Variants in TRAPPC14 observed in about 807,000 individuals in gnomAD.
The protein encoded by TRAPPC14 is trafficking protein particle complex subunit 14.
In TRAPPC14, 24 loss-of-function variants were observed where a neutral mutation model predicts 56.6. The ratio of observed to expected loss-of-function variants is 0.42; its 90% CI spans 0.31 to 0.60. The LOEUF is 0.60. Among genes scored for constraint, TRAPPC14 ranks in the 20% least tolerant of loss-of-function variants. TRAPPC14 has a pLI of 0.14. For synonymous variants in TRAPPC14, 377 were observed against 347.0 expected (o/e 1.09, Z -0.96); for missense variants, 615 against 790.3 (o/e 0.78, Z 2.66).
chr7:100,158,188 G>A lies in TRAPPC14; in HGVS notation c.312C>T (p.Pro104=), dbSNP rs1292782153. Residue 104 remains proline, a synonymous_variant, in exon 1 of 11, where the codon CCC becomes CCT. Transcript: ENST00000316937. ...GGGAGDQDSE[P]PGGGDPGGGG... The stretch of plus-strand genomic sequence containing the variant: ...CACCCCCAGGATCCCCTCCCCCTGG[G>A]GGCTCCGAATCCTGGTCGCCGGCGC... The A allele has an allele frequency of 1.4e-6, 2 of 1,456,126 alleles. No homozygotes were observed. Among genetic ancestry groups the A allele is most frequent in the African/African-American group, 2.9e-5 (2 of 67,994 alleles). 90.2% of individuals were successfully genotyped at this position (1,456,126 alleles called of 1,614,324 possible).
chr7:100,156,037 A>G (rs1295963196), intron 8 of TRAPPC14: 3 of 735,614 alleles, frequency 4.1e-6, no homozygotes, highest in Non-Finnish European at 2.4e-6. Flanking sequence ...TGACAGCCCC[A>G]TCAGATATGA....
chr7:100,156,154 G>A (rs758622596), intron 8 of TRAPPC14: 18 of 613,314 alleles, frequency 2.9e-5, no homozygotes, highest in Non-Finnish European at 4.7e-5. Flanking sequence ...ACCAGCGAGT[G>A]CAGCTCCAGT....
chr7:100,156,760 C>T (rs750079376), intron 6 of TRAPPC14, 44 bp from the exon 7 acceptor site: 7 of 1,599,994 alleles, frequency 4.4e-6, no homozygotes, highest in Non-Finnish European at 6.0e-6. Context: ...TTAAGAGTGC[C>T]CCTCCCATCT....
intron 5 of TRAPPC14, 38 bp downstream of exon 5, chr7:100,157,056 C>G: frequency 6.2e-7 from 1 of 1,613,952 alleles, no homozygotes; most frequent in Non-Finnish European, 8.5e-7. Flanking sequence ...TGAAGCCATC[C>G]CCACCACTTC....
Position 100,156,468 on chromosome 7 carries a change from G to A in TRAPPC14, c.1158C>T (p.Phe386=), listed in dbSNP as rs769439506. The change falls in exon 8 of 11, where the codon TTC becomes TTT. Residue 386 remains phenylalanine, a synonymous_variant. Transcript: ENST00000316937. ...CKSPVRTYER[F]TVTYTLLNNL... is the part of the protein sequence containing the mutation. The stretch of plus-strand genomic sequence containing the variant: ...TGTTAAGCAGCGTGTAGGTGACAGT[G>A]AAACGCTCGTAGGTCCGAACAGGGG... 2 of 1,614,194 alleles carry A rather than the reference G, an allele frequency of 1.2e-6. No homozygotes were observed. The highest frequency in any genetic ancestry group is 1.7e-6 in the Non-Finnish European group (2 of 1,180,030).
At position 100,158,667 on chromosome 7, in the gene TRAPPC14, A is replaced by G. The variant is rs1798939348; in HGVS notation, c.-168T>C. 5 of 572,004 alleles carry G rather than the reference A, an allele frequency of 8.7e-6. No homozygotes were observed. Among genetic ancestry groups the G allele is most frequent in the African/African-American group, 7.8e-5 (4 of 51,436 alleles). The allele number at this position is 572,004 out of a possible 1,614,324, so 35.4% of individuals were successfully genotyped here. A position where few individuals can be genotyped will look rare whatever the true frequency, so the allele number is the denominator to read the frequency against. On this transcript the variant is annotated 5_prime_UTR_variant, in exon 1 of 11. Coordinates refer to ENST00000316937, the MANE Select transcript of TRAPPC14 (RefSeq NM_018275.5). ...ACCGGGGCAACGAACCCGAACCGAG[A>G]CCCGGCAGCGCCGGAACCGGGGTAC...
At chr7:100,157,276 G>A in intron 4 of TRAPPC14, 62 bp from the exon 5 acceptor site, 1 of 1,613,240 alleles carries the variant, frequency 6.2e-7, no homozygotes, top group Non-Finnish European at 8.5e-7. Flanking sequence ...CCTTTACCCA[G>A]AAAAAACCGG....
At position 100,155,026 on chromosome 7, in the gene TRAPPC14, C is replaced by T; in HGVS notation, c.1728G>A (p.Val576=). The T allele has an allele frequency of 6.2e-7, 1 of 1,614,148 alleles. No individual in the cohort carries two copies. The highest frequency in any genetic ancestry group is 8.5e-7 in the Non-Finnish European group (1 of 1,180,000). ...TGGCACGGTGCTACTTGACGGGTTC[C>T]ACCACCAGGACCTTGCACTCGCGCT... ...IAKRECKVLV[V]EPVK is the part of the protein sequence containing the mutation. The change falls in exon 11 of 11, where the codon GTG becomes GTA. Residue 576 remains valine (V), a synonymous_variant. Coordinates refer to ENST00000316937, the MANE Select transcript of TRAPPC14 (RefSeq NM_018275.5).
At chr7:100,156,045 T>C in intron 8 of TRAPPC14, 11 of 719,946 alleles carry the variant, frequency 1.5e-5, no homozygotes, top group Non-Finnish European at 2.3e-5. Context: ...CCATCAGATA[T>C]GAGTTGCTCT....
chr7:100,155,747 T>C lies in TRAPPC14; in HGVS notation c.1319A>G (p.Asn440Ser), dbSNP rs1319674836. 6.2e-7 allele frequency: 1 copy of C among 1,613,986 alleles called. No individual in the cohort carries two copies. Among genetic ancestry groups the C allele is most frequent in the Admixed American group, 1.7e-5 (1 of 60,000 alleles). The change falls in exon 9 of 11, where the codon AAC (asparagine) becomes AGC (serine). Residue 440 changes from asparagine to serine, a missense_variant. By Grantham distance (46) the Asn-to-Ser change is conservative. Coordinates refer to ENST00000316937, the MANE Select transcript of TRAPPC14 (RefSeq NM_018275.5). The part of the protein sequence containing the change: ...DSVVCHTPLN[N>S]LGFSRKGSAL... ...GCTGCCCTTCCGGGAAAAGCCAAGG[T>C]TGTTGAGGGGCGTGTGGCAGACGAC...
Position 100,155,347 on chromosome 7 carries a change from G to T in TRAPPC14, c.1504C>A (p.Arg502=), listed in dbSNP as rs753886568. 6.4e-7 allele frequency: 1 copy of T among 1,551,040 alleles called. No individual in the cohort carries two copies. The highest frequency in any genetic ancestry group is 8.7e-7 in the Non-Finnish European group (1 of 1,147,736). Residue 502 remains arginine, a synonymous_variant, in exon 10 of 11, where the codon CGG becomes AGG. Coordinates refer to ENST00000316937, the MANE Select transcript of TRAPPC14 (RefSeq NM_018275.5). The part of the protein sequence containing the change: ...RKSSPSSPAV[R]DLVERHQASL... ...GCCTGATGCCTCTCCACCAAGTCCC[G>T]GACAGCAGGGCTGCTGGGGCTGCTC...
At position 100,158,308 on chromosome 7, in the gene TRAPPC14, C is replaced by A; in HGVS notation, c.192G>T (p.Pro64=). The A allele has an allele frequency of 5.5e-6, 8 of 1,465,326 alleles. No homozygotes were observed. The highest frequency in any genetic ancestry group is 7.2e-6 in the Non-Finnish European group (8 of 1,114,384). The allele number at this position is 1,465,326 out of a possible 1,614,324, so 90.8% of individuals were successfully genotyped here. ...GGAGSGTGGG[P]GLGSRGAWAE... ...CCCAGGCTCCTCTGGAGCCCAAGCC[C>A]GGGCCGCCCCCGGTGCCGGACCCCG... Residue 64 remains proline (P), a synonymous_variant, in exon 1 of 11, where the codon CCG becomes CCT. Coordinates refer to ENST00000316937, the MANE Select transcript of TRAPPC14 (RefSeq NM_018275.5).
intron 1 of TRAPPC14, 62 bp from the exon 2 acceptor site, chr7:100,158,000 C>T: frequency 1.4e-6 from 2 of 1,460,468 alleles, no homozygotes; most frequent in Non-Finnish European, 1.8e-6. Flanking sequence ...CAGCCTTTCC[C>T]TTTAAGACCG....
rs1332804487 is a variant in TRAPPC14 at position 100,158,605 on chromosome 7, C to T, written c.-106G>A. 12 of 1,146,184 alleles carry T rather than the reference C, an allele frequency of 1.0e-5. No homozygotes were observed. Among genetic ancestry groups the T allele is most frequent in the East Asian group, 6.4e-5 (2 of 31,068 alleles). 71.0% of individuals were successfully genotyped at this position (1,146,184 alleles called of 1,614,324 possible). A position where few individuals can be genotyped will look rare whatever the true frequency, so the allele number is the denominator to read the frequency against. ...TCCCGACACCTCCGGCTGCTGCGCCCGGCTGGGGCGGCCGGAGAGACCGGC... is the reference window on the plus strand; with the variant it reads ...TCCCGACACCTCCGGCTGCTGCGCCTGGCTGGGGCGGCCGGAGAGACCGGC... On this transcript the variant is annotated 5_prime_UTR_variant, in exon 1 of 11. Coordinates refer to ENST00000316937, the MANE Select transcript of TRAPPC14 (RefSeq NM_018275.5).
In TRAPPC14 at chr7:100,155,155, A is replaced by G. The variant is rs1798848795; in HGVS notation, c.1599T>C (p.Ser533=). The change falls in exon 11 of 11, where the codon AGT becomes AGC. Residue 533 remains serine (S), a synonymous_variant. Transcript: ENST00000316937. ...GCGTGATGGCTCTGCGCTCCATCACACTGCCCGACCTGGGGGAAGGCAGAG... is the reference window on the plus strand; with the variant it reads ...GCGTGATGGCTCTGCGCTCCATCACGCTGCCCGACCTGGGGGAAGGCAGAG... ...PSRSHLMRSG[S]VMERRAITPP... The G allele has an allele frequency of 2.5e-6, 4 of 1,611,420 alleles. No individual in the cohort carries two copies. Among genetic ancestry groups the G allele is most frequent in the East Asian group, 4.5e-5 (2 of 44,874 alleles).
At chr7:100,155,942 G>A (rs749895505) in intron 8 of TRAPPC14, 117 bp from the exon 9 acceptor site, 15 of 1,298,536 alleles carry the variant, frequency 1.2e-5, no homozygotes, top group Middle Eastern at 1.8e-4. Context: ...CTGAGCAAAC[G>A]TTATCTTTTG....
At position 100,157,923 on chromosome 7, in the gene TRAPPC14, G is replaced by A. The variant is rs1311205510; in HGVS notation, c.427C>T (p.Pro143Ser). Reference sequence around the variant, plus strand: ...ATGACCTCATCTGTGGACACAATCGGTTCCTCCACAGGCAGCTGGGGTTGG... The same window carrying A: ...ATGACCTCATCTGTGGACACAATCGATTCCTCCACAGGCAGCTGGGGTTGG... ...GGATTLPVEE[P>S]IVSTDEVIFP... Residue 143 changes from proline to serine, a missense_variant, in exon 2 of 11, where the codon CCG becomes TCG. By Grantham distance (74) the Pro-to-Ser change is moderately conservative. Transcript: ENST00000316937. 1.3e-6 allele frequency: 2 copies of A among 1,544,918 alleles called. No homozygotes were observed. The highest frequency in any genetic ancestry group is 1.7e-6 in the Non-Finnish European group (2 of 1,143,590).
rs1304255276 is a variant in TRAPPC14 at position 100,155,731 on chromosome 7, C to T, written c.1335G>A (p.Arg445=). 1 of 1,614,170 alleles carries T rather than the reference C, an allele frequency of 6.2e-7. No homozygotes were observed. Among genetic ancestry groups the T allele is most frequent in the South Asian group, 1.1e-5 (1 of 91,080 alleles). Residue 445 remains arginine, a synonymous_variant, in exon 9 of 11, where the codon CGG becomes CGA. Coordinates refer to ENST00000316937, the MANE Select transcript of TRAPPC14 (RefSeq NM_018275.5). ...HTPLNNLGFS[R]KGSALTFSVA... ...CACTGAAGGTGAGCGCGCTGCCCTT[C>T]CGGGAAAAGCCAAGGTTGTTGAGGG... is the stretch of plus-strand genomic sequence containing the variant.
chr7:100,157,606 C>T (rs1284377506), intron 3 of TRAPPC14, 27 bp downstream of exon 3: 1 of 1,613,530 alleles, frequency 6.2e-7, no homozygotes, highest in Non-Finnish European at 8.5e-7. Context: ...AGACTCTAGC[C>T]CTTTGCCTCT....
Sources: allele counts gnomAD v4.1 joint callset, GRCh38; gene constraint gnomAD v4.1.1; transcripts MANE v1.5; gene names NCBI Gene and HGNC (gene_info 2026-07-23, HGNC 2026-07-21).